Variants in PDZD9 observed in about 807,000 individuals in gnomAD.
PDZD9 encodes PDZ domain-containing protein 9.
A neutral mutation model predicts 16.3 loss-of-function variants in PDZD9; 13 were observed. That is an observed-to-expected ratio of 0.80 (90% CI 0.52 to 1.27). PDZD9 has a LOEUF of 1.27. PDZD9 is among the 50% of genes most tolerant of loss of function. PDZD9 has a pLI of 0.00. For synonymous variants in PDZD9, 120 were observed against 111.0 expected, an observed-to-expected ratio of 1.08 and a Z score of -0.51; for missense variants, 288 against 310.9, an observed-to-expected ratio of 0.93 and a Z score of 0.55.
chr16:21,995,095 G>C (rs1899114257), intron 2 of PDZD9: 1 of 393,638 alleles, frequency 2.5e-6, no homozygotes, highest in African/African-American at 2.1e-5. Flanking sequence ...GGGCCTGGGG[G>C]GAGGTGACTG....
chr16:21,969,920 G>A, the PDZD9 span, among the ~76,000 whole-genome samples: 1 of 151,476 alleles, frequency 6.6e-6, no homozygotes, highest in African/African-American at 2.4e-5. Context: ...TGCCCAAGCT[G>A]GAGCACAGTG....
At chr16:21,993,956 G>A (rs1899084012) in intron 2 of PDZD9, among the ~76,000 whole-genome samples, 1 of 152,124 alleles carries the variant, frequency 6.6e-6, no homozygotes, top group Admixed American at 6.6e-5. Context: ...GAGGCCAGGA[G>A]TTTGAGACCA....
chr16:21,966,331 A>G, the PDZD9 span, among the ~76,000 whole-genome samples: 2 of 152,054 alleles, frequency 1.3e-5, no homozygotes, highest in Non-Finnish European at 2.9e-5. Flanking sequence ...TGCTGGCTAT[A>G]GGGGTTTGTC....
At chr16:21,959,612 T>G in the PDZD9 span, 1 of 152,738 alleles carries the variant, frequency 6.5e-6, no homozygotes, top group African/African-American at 2.4e-5. Context: ...CATCCTCCCA[T>G]GAGTCACAAA....
At chr16:21,995,197 C>G (rs1422013377) in intron 2 of PDZD9, 1 of 457,264 alleles carries the variant, frequency 2.2e-6, no homozygotes, top group South Asian at 1.6e-5. Context: ...AGCACCTCCC[C>G]CTACTCTCTC....
Position 21,992,329 on chromosome 16 carries a change from A to G in PDZD9, c.212-3538T>C, listed in dbSNP as rs190654166. Among the ~76,000 whole-genome samples the G allele has an allele frequency of 2.6e-5, 4 of 152,374 alleles. No homozygotes were observed. The East Asian group carries it at 5.8e-4, about 22-fold the overall frequency. On this transcript the variant is annotated intron_variant, in intron 2 of 3. Transcript: ENST00000424898. Reference sequence around the variant, plus strand: ...TAGGACAAATATTTATTATTTATTTATTAAGCAAAGACATAACAAATGAGC... The same window carrying G: ...TAGGACAAATATTTATTATTTATTTGTTAAGCAAAGACATAACAAATGAGC...
At chr16:21,961,884 C>T in the PDZD9 span, among the ~76,000 whole-genome samples, 2 of 151,550 alleles carry the variant, frequency 1.3e-5, no homozygotes, top group Admixed American at 6.6e-5. Flanking sequence ...AACTCCTGAC[C>T]TCAAGTGATC....
chr16:21,968,873 A>G, the PDZD9 span, among the ~76,000 whole-genome samples: 9 of 152,226 alleles, frequency 5.9e-5, no homozygotes, highest in Admixed American at 2.0e-4. Context: ...CAACATTTAA[A>G]TTTGTAAACC....
the PDZD9 span, among the ~76,000 whole-genome samples, chr16:21,959,992 T>A: frequency 6.6e-6 from 1 of 152,162 alleles, no homozygotes. Context: ...ATAGGCAGAG[T>A]AGATTTAGCA....
chr16:21,998,832 G>A (rs533434691), intron 1 of PDZD9: 1 of 149,022 alleles, frequency 6.7e-6, no homozygotes, highest in South Asian at 2.1e-4. Flanking sequence ...ACAAAGTGAA[G>A]TTGGATGTAG....
intron 1 of PDZD9, among the ~76,000 whole-genome samples, chr16:22,000,087 T>C (rs1899254387): frequency 6.6e-6 from 1 of 151,044 alleles, no homozygotes. Context: ...ATGCCTACAG[T>C]CCCAGCTATG....
the PDZD9 span, among the ~76,000 whole-genome samples, chr16:21,966,289 C>T: frequency 6.6e-6 from 1 of 152,152 alleles, no homozygotes; most frequent in Non-Finnish European, 1.5e-5. Flanking sequence ...CTCGCTCACT[C>T]ATTCACGTTC....
At chr16:21,959,298 C>A in the PDZD9 span, 1 of 192,616 alleles carries the variant, frequency 5.2e-6, no homozygotes, top group Non-Finnish European at 1.1e-5. Flanking sequence ...ACTTTTTTAT[C>A]AACCAAGATT....
chr16:21,968,904 A>G, the PDZD9 span, among the ~76,000 whole-genome samples: 4 of 152,358 alleles, frequency 2.6e-5, no homozygotes, highest in African/African-American at 9.6e-5. Context: ...AATTCTTTAC[A>G]GTATTTGTAA....
Position 21,996,722 on chromosome 16 carries a change from G to C in PDZD9, c.32-221C>G, listed in dbSNP as rs1357996667. Among the ~76,000 whole-genome samples, 4 of 152,164 alleles carry C rather than the reference G, an allele frequency of 2.6e-5. No individual in the cohort carries two copies. In the East Asian group the frequency reaches 7.7e-4, roughly 29 times the overall value. ...TTGCAGAGTCTGGCATATTGTGAGT[G>C]CTTAATCAATATTAGTTAGTATTAT... On this transcript the variant is annotated intron_variant, in intron 1 of 3. Transcript: ENST00000424898.
chr16:21,966,028 T>C, the PDZD9 span, among the ~76,000 whole-genome samples: 2 of 151,832 alleles, frequency 1.3e-5, no homozygotes, highest in Non-Finnish European at 2.9e-5. Context: ...AGTATCATAA[T>C]AGGGGCTGGG....
chr16:21,994,281 G>T (rs117575051), intron 2 of PDZD9, among the ~76,000 whole-genome samples: 23 of 152,200 alleles, frequency 1.5e-4, no homozygotes, highest in Non-Finnish European at 2.6e-4. Context: ...GGTGACTAAG[G>T]CCTGAAAGGT....
At chr16:21,961,663 T>A in the PDZD9 span, among the ~76,000 whole-genome samples, 1 of 113,286 alleles carries the variant, frequency 8.8e-6, no homozygotes, top group East Asian at 2.2e-4. Context: ...TATATATATA[T>A]ATATATTTTA....
Position 21,984,161 on chromosome 16 carries a change from A to C in PDZD9, c.*106T>G, listed in dbSNP as rs1898807984. The C allele has an allele frequency of 1.6e-6, 2 of 1,231,802 alleles. No homozygotes were observed. The highest frequency in any genetic ancestry group is 4.7e-5 in the Admixed American group (2 of 42,196). The allele number at this position is 1,231,802 out of a possible 1,614,324, so 76.3% of individuals were successfully genotyped here. The stretch of plus-strand genomic sequence containing the variant: ...TATAACGCAGTCATAAGAGAAGAGA[A>C]TTGGTGAGTCTACAGACAGTCCTTG... On this transcript the variant is annotated 3_prime_UTR_variant, in exon 4 of 4. Transcript: ENST00000424898.
Sources: allele counts gnomAD v4.1 joint callset (sites outside exome capture counted in the v4.1 genomes callset), GRCh38; gene constraint gnomAD v4.1.1; transcripts MANE v1.5; gene names NCBI Gene and HGNC (gene_info 2026-07-23, HGNC 2026-07-21).